Variants in ADAP2 observed in about 807,000 individuals in gnomAD.
ADAP2 encodes the protein arf-GAP with dual PH domain-containing protein 2.
Under a neutral mutation model 54.9 loss-of-function variants are expected in ADAP2, and 42 were observed. The ratio of observed to expected loss-of-function variants is 0.77; its 90% CI spans 0.60 to 0.99. ADAP2 has a LOEUF of 0.99. ADAP2 is among the 50% of genes least tolerant of loss of function. The pLI is 0.00. For missense variants in ADAP2, 429 were observed against 480.4 expected, an observed-to-expected ratio of 0.89 and a Z score of 1.00; for synonymous variants, 177 against 180.1, an observed-to-expected ratio of 0.98 and a Z score of 0.14.
chr17:30,954,445 G>A (rs770558642), intron 8 of ADAP2, 33 bp from the exon 9 acceptor site: 2 of 1,601,604 alleles, frequency 1.2e-6, no homozygotes, highest in Non-Finnish European at 1.7e-6. Context: ...AACTGACCTG[G>A]TCATCTGTGG....
At chr17:30,934,125 T>A (rs1415834894) in intron 4 of ADAP2, 60 bp from the exon 5 acceptor site, 1 of 1,351,932 alleles carries the variant, frequency 7.4e-7, no homozygotes, top group Non-Finnish European at 1.1e-6. Context: ...CAGAGGTTCC[T>A]GAGCTGCTTG....
chr17:30,949,575 C>G (rs1033259651), intron 7 of ADAP2, among the ~76,000 whole-genome samples: 27 of 151,904 alleles, frequency 1.8e-4, no homozygotes, highest in Admixed American at 1.1e-3. Context: ...GGTGAAACCC[C>G]GTCTCTACTA....
chr17:30,954,971 G>A (rs533633322), intron 9 of ADAP2, among the ~76,000 whole-genome samples: 4 of 152,134 alleles, frequency 2.6e-5, no homozygotes, highest in Middle Eastern at 3.4e-3. Context: ...TCTGTGCCTC[G>A]GTTTCCTCCT....
At chr17:30,927,271 T>C (rs1227289979) in intron 3 of ADAP2, among the ~76,000 whole-genome samples, 1 of 152,106 alleles carries the variant, frequency 6.6e-6, no homozygotes, top group Admixed American at 6.6e-5. Context: ...GGGTAAACAC[T>C]AGTATCTTAC....
chr17:30,956,169 G>C, intron 9 of ADAP2, 72 bp from the exon 10 acceptor site: 1 of 1,402,846 alleles, frequency 7.1e-7, no homozygotes, highest in Admixed American at 1.9e-5. Context: ...ATAAAGCTTG[G>C]AGGCTGTCAG....
intron 6 of ADAP2, among the ~76,000 whole-genome samples, chr17:30,946,197 C>G (rs1179604196): frequency 2.0e-5 from 3 of 151,914 alleles, no homozygotes; most frequent in African/African-American, 7.2e-5. Context: ...TAACGGGATC[C>G]CAGGTGAGTC....
At chr17:30,924,895 G>A (rs1037153983) in intron 2 of ADAP2, among the ~76,000 whole-genome samples, 1 of 145,348 alleles carries the variant, frequency 6.9e-6, no homozygotes, top group African/African-American at 2.6e-5. Context: ...TTTTTGAGAC[G>A]GAGTTTCACT....
At position 30,944,925 on chromosome 17, in the gene ADAP2, G is replaced by C; in HGVS notation, c.529G>C (p.Val177Leu). ...TKEQGKSPKA[V>L]ISIKDLNATF... ...CTTTCAGGGTAAAAGCCCCAAAGCTGTCATCAGCATTAAGGACTTGAATGC... is the reference window on the plus strand; with the variant it reads ...CTTTCAGGGTAAAAGCCCCAAAGCTCTCATCAGCATTAAGGACTTGAATGC... The change falls in exon 6 of 11, where the codon GTC (valine) becomes CTC (leucine). Residue 177 changes from valine (V) to leucine (L), a missense_variant. Val to Leu is a conservative substitution (Grantham distance 32, BLOSUM62 1). Coordinates refer to ENST00000330889, the MANE Select transcript of ADAP2 (RefSeq NM_018404.3). 1 of 1,614,100 alleles carries C rather than the reference G, an allele frequency of 6.2e-7. No homozygotes were observed. Among genetic ancestry groups the C allele is most frequent in the Non-Finnish European group, 8.5e-7 (1 of 1,180,022 alleles).
At chr17:30,923,599 C>T (rs771814950) in intron 2 of ADAP2, among the ~76,000 whole-genome samples, 2 of 151,546 alleles carry the variant, frequency 1.3e-5, no homozygotes, top group Non-Finnish European at 2.9e-5. Flanking sequence ...AGCTGGGAGG[C>T]CCTGAGCTAG....
chr17:30,933,347 C>T (rs1353258684), intron 4 of ADAP2, among the ~76,000 whole-genome samples: 5 of 151,890 alleles, frequency 3.3e-5, no homozygotes, highest in Admixed American at 3.3e-4. Context: ...ACAACCACAC[C>T]TGGCTAATGT....
At chr17:30,922,181 C>A in intron 1 of ADAP2, 73 bp downstream of exon 1, 1 of 1,097,402 alleles carries the variant, frequency 9.1e-7, no homozygotes, top group Non-Finnish European at 1.2e-6. Flanking sequence ...CTCCCCTCGG[C>A]CCCACCGGGT....
intron 2 of ADAP2, 39 bp from the exon 3 acceptor site, chr17:30,926,788 C>G: frequency 6.3e-7 from 1 of 1,584,536 alleles, no homozygotes; most frequent in African/African-American, 1.3e-5. Flanking sequence ...CACGTTTTTT[C>G]AAGTTCTAAT....
chr17:30,943,137 C>T (rs901939804), intron 5 of ADAP2, among the ~76,000 whole-genome samples: 3 of 152,102 alleles, frequency 2.0e-5, no homozygotes, highest in African/African-American at 7.2e-5. Flanking sequence ...AGGCAGAGGC[C>T]GGCGGATCAC....
intron 9 of ADAP2, 89 bp downstream of exon 9, chr17:30,954,644 C>T: frequency 1.8e-6 from 2 of 1,129,400 alleles, no homozygotes; most frequent in Non-Finnish European, 2.7e-6. Context: ...TACAGATAAA[C>T]ACATCTCCCA....
At chr17:30,933,595 GT>G (rs1302739286) in intron 4 of ADAP2, among the ~76,000 whole-genome samples, 3 of 152,166 alleles carry the variant, frequency 2.0e-5, no homozygotes, top group African/African-American at 7.2e-5. Context: ...CCCCTCCCGG[GT>G]TCAAGTGATT....
chr17:30,943,633 G>T (rs539157033), intron 5 of ADAP2, among the ~76,000 whole-genome samples: 44 of 151,866 alleles, frequency 2.9e-4, no homozygotes, highest in African/African-American at 1.0e-3. Context: ...TGGATCACGA[G>T]GTCAGGAGTT....
rs985742018 is a variant in ADAP2, at chr17:30,953,214, C to T, written c.742-74C>T. 20 of 1,437,776 alleles carry T rather than the reference C, an allele frequency of 1.4e-5. No individual in the cohort carries two copies. The African/African-American group carries it at 1.7e-4, about 12-fold the overall frequency. 89.1% of individuals were successfully genotyped at this position (1,437,776 alleles called of 1,614,324 possible). A position where few individuals can be genotyped will look rare whatever the true frequency, so the allele number is the denominator to read the frequency against. ...TCCCCATTTCAAACTTCCCCTTTGT[C>T]GGGAGCCAAGCTCGGCGGGAACCTG... On this transcript the variant is annotated intron_variant, in intron 7 of 10. Transcript: ENST00000330889.
intron 3 of ADAP2, among the ~76,000 whole-genome samples, chr17:30,930,045 CTTATTTATTTATTTATTTATTTAT>C (rs35101958): frequency 7.1e-6 from 1 of 140,330 alleles, no homozygotes; most frequent in Non-Finnish European, 1.6e-5. Flanking sequence ...CGACAGAAAC[CTTATTTATTTATTTATTTATTTAT>C]TTATTTATTT....
intron 5 of ADAP2, among the ~76,000 whole-genome samples, chr17:30,936,456 C>G (rs550290124): frequency 1.3e-5 from 2 of 152,306 alleles, no homozygotes; most frequent in Non-Finnish European, 2.9e-5. Flanking sequence ...AGCCACTACG[C>G]CAGGCCCATA....
Sources: allele counts gnomAD v4.1 joint callset (sites outside exome capture counted in the v4.1 genomes callset), GRCh38; gene constraint gnomAD v4.1.1; transcripts MANE v1.5; gene names NCBI Gene and HGNC (gene_info 2026-07-23, HGNC 2026-07-21).